The following TMCC1 variants were observed in gnomAD, a reference collection of about 807,000 sequenced individuals.
TMCC1 encodes transmembrane and coiled-coil domain family 1.
A neutral mutation model predicts 52.4 loss-of-function variants in TMCC1; 15 were observed. That is an observed-to-expected ratio of 0.29 (90% CI 0.19 to 0.44). The LOEUF is 0.44. Among genes scored for constraint, TMCC1 ranks in the 20% least tolerant of loss-of-function variants. The pLI is 1.00. For missense variants in TMCC1, 503 were observed against 806.0 expected (o/e 0.62, Z 4.55); for synonymous variants, 279 against 301.9 (o/e 0.92, Z 0.79).
At chr3:129,760,577 A>C (rs2053479517) in intron 4 of TMCC1, among the ~76,000 whole-genome samples, 1 of 151,554 alleles carries the variant, frequency 6.6e-6, no homozygotes, top group African/African-American at 2.4e-5. Context: ...TCCCGGGTTC[A>C]CGCCATTCTC....
At chr3:129,693,130 T>C (rs571102429) in intron 4 of TMCC1, among the ~76,000 whole-genome samples, 5 of 152,314 alleles carry the variant, frequency 3.3e-5, no homozygotes, top group Admixed American at 6.5e-5. Flanking sequence ...AAAGAAGCCA[T>C]GAAACATGTT....
intron 4 of TMCC1, among the ~76,000 whole-genome samples, chr3:129,680,592 T>C (rs1394126206): frequency 6.6e-6 from 1 of 152,050 alleles, no homozygotes; most frequent in Non-Finnish European, 1.5e-5. Flanking sequence ...AGGGAGGCAC[T>C]GATGATTTTT....
Position 129,876,130 on chromosome 3 carries a change from A to G in TMCC1, c.-184+4179T>C, listed in dbSNP as rs866488102. ...GCCTGGGGAACAAGAGCAAGATTTC[A>G]TCTCAAAAAAAAAAAAAAAAAGTTT... On this transcript the variant is annotated intron_variant, in intron 2 of 6. Transcript: ENST00000393238. 2.5e-4 allele frequency among the ~76,000 whole-genome samples: 37 copies of G among 148,308 alleles called. No individual in the cohort carries two copies. In the Middle Eastern group the frequency reaches 0.014, roughly 55 times the overall value.
Position 129,828,425 on chromosome 3 carries a change from A to T in TMCC1, c.-47T>A. ...TTGCAAACTCAAAAAAATTTTTTAAACACACCAAGAGTGTCAAATTAGGTA... is the reference window on the plus strand; with the variant it reads ...TTGCAAACTCAAAAAAATTTTTTAATCACACCAAGAGTGTCAAATTAGGTA... On this transcript the variant is annotated 5_prime_UTR_variant, in exon 4 of 7. Transcript: ENST00000393238. The surrounding 1 kb of genome is among the most constrained non-coding windows in gnomAD (Gnocchi z 4.1). 6.4e-7 allele frequency: 1 copy of T among 1,567,898 alleles called. No individual in the cohort carries two copies. The highest frequency in any genetic ancestry group is 8.7e-7 in the Non-Finnish European group (1 of 1,154,268).
intron 4 of TMCC1, among the ~76,000 whole-genome samples, chr3:129,673,342 T>C (rs755871832): frequency 9.9e-5 from 15 of 152,158 alleles, no homozygotes; most frequent in Admixed American, 2.0e-4. Flanking sequence ...AGGGTTCCAA[T>C]TGTTGCATTT....
At chr3:129,881,641 G>T (rs149732796) in intron 1 of TMCC1, among the ~76,000 whole-genome samples, 1 of 152,006 alleles carries the variant, frequency 6.6e-6, no homozygotes, top group Non-Finnish European at 1.5e-5. Context: ...TTATATTTTC[G>T]CAACAAATTA....
chr3:129,750,775 CTA>C, intron 4 of TMCC1, among the ~76,000 whole-genome samples: 1 of 150,512 alleles, frequency 6.6e-6, no homozygotes, highest in East Asian at 2.0e-4. Context: ...TGGGGTTTCA[CTA>C]TGTTAGCCAG....
rs142709755 is a variant in TMCC1, at chr3:129,668,905, G to A, written c.1511+1425C>T. 3.8e-3 allele frequency among the ~76,000 whole-genome samples: 580 copies of A among 152,282 alleles called. 6 individuals carry two copies. The highest frequency in any genetic ancestry group is 0.013 in the African/African-American group (549 of 41,568). The stretch of plus-strand genomic sequence containing the variant: ...TTCCCAAACTGCTGGGATTACAGGC[G>A]TGAGCCACTGTGCCCAGCCATACTA... On this transcript the variant is annotated intron_variant, in intron 5 of 6. Transcript: ENST00000393238.
At chr3:129,883,565 G>A (rs564661067) in intron 1 of TMCC1, among the ~76,000 whole-genome samples, 1 of 152,314 alleles carries the variant, frequency 6.6e-6, no homozygotes, top group South Asian at 2.1e-4. Flanking sequence ...AGTAATTCAT[G>A]TTTACACCAC....
At chr3:129,781,277 G>A (rs1321256222) in intron 4 of TMCC1, among the ~76,000 whole-genome samples, 1 of 152,164 alleles carries the variant, frequency 6.6e-6, no homozygotes, top group East Asian at 1.9e-4. Flanking sequence ...TGATCATGTA[G>A]GGTACTATGC....
intron 2 of TMCC1, among the ~76,000 whole-genome samples, chr3:129,866,343 T>TATATATAC (rs1560578847): frequency 5.2e-4 from 72 of 138,454 alleles, no homozygotes; most frequent in African/African-American, 1.8e-3. Flanking sequence ...TAATATATAT[T>TATATATAC]ATATATACAT....
chr3:129,687,514 T>C (rs533542723), intron 4 of TMCC1, among the ~76,000 whole-genome samples: 1 of 152,328 alleles, frequency 6.6e-6, no homozygotes, highest in East Asian at 1.9e-4. Context: ...GGAGGGCTAC[T>C]CTCTACAACT....
At chr3:129,862,197 G>C (rs1412212358) in intron 2 of TMCC1, among the ~76,000 whole-genome samples, 3 of 152,174 alleles carry the variant, frequency 2.0e-5, no homozygotes, top group Non-Finnish European at 2.9e-5. Flanking sequence ...AAGTTATACA[G>C]GGATAGAGCA....
intron 2 of TMCC1, among the ~76,000 whole-genome samples, chr3:129,864,797 C>T (rs2060547446): frequency 6.6e-6 from 1 of 152,068 alleles, no homozygotes; most frequent in South Asian, 2.1e-4. Flanking sequence ...TCAGTACCTT[C>T]TTTTTTTTCC....
chr3:129,800,925 A>ATT (rs11394617), intron 4 of TMCC1, among the ~76,000 whole-genome samples: 2,763 of 117,912 alleles, frequency 0.023, 164 homozygotes, highest in Non-Finnish European at 0.028. Context: ...ATCTCACACT[A>ATT]TTTTTTTTTT....
chr3:129,724,916 CAGTGGGATAA>C (rs2049952006), intron 4 of TMCC1, among the ~76,000 whole-genome samples: 1 of 152,096 alleles, frequency 6.6e-6, no homozygotes, highest in African/African-American at 2.4e-5. Flanking sequence ...TTCAATAGTT[CAGTGGGATAA>C]GGAGGGATAA....
intron 4 of TMCC1, among the ~76,000 whole-genome samples, chr3:129,705,351 T>G (rs2048143342): frequency 6.6e-6 from 1 of 152,130 alleles, no homozygotes; most frequent in Admixed American, 6.6e-5. Context: ...ACAAATAATG[T>G]TCTCTTATAT....
At chr3:129,744,621 A>G (rs1289077845) in intron 4 of TMCC1, among the ~76,000 whole-genome samples, 1 of 152,204 alleles carries the variant, frequency 6.6e-6, no homozygotes, top group Non-Finnish European at 1.5e-5. Context: ...TAGCATGCAT[A>G]CACACACATA....
At chr3:129,892,616 G>A (rs1012397749) in intron 1 of TMCC1, 1 of 152,032 alleles carries the variant, frequency 6.6e-6, no homozygotes, top group African/African-American at 2.4e-5. Flanking sequence ...TGACGGCTAG[G>A]CTCTACCAAC....
Sources: allele counts gnomAD v4.1 joint callset (sites outside exome capture counted in the v4.1 genomes callset), GRCh38; gene constraint gnomAD v4.1.1; non-coding constraint Gnocchi (gnomAD v3.1); transcripts MANE v1.5; gene names NCBI Gene and HGNC (gene_info 2026-07-23, HGNC 2026-07-21).